ATP8A2: variants seen among roughly 807,000 people sequenced by gnomAD.
The protein encoded by ATP8A2 is phospholipid-transporting ATPase IB.
Under a neutral mutation model 165.6 loss-of-function variants are expected in ATP8A2, and 100 were observed. That is an observed-to-expected ratio of 0.60 (90% CI 0.51 to 0.71). The LOEUF is 0.71. ATP8A2 is among the 30% of genes least tolerant of loss of function. The pLI is 0.00. For missense variants in ATP8A2, 1,227 were observed against 1,479.5 expected, an observed-to-expected ratio of 0.83 and a Z score of 2.80; for synonymous variants, 543 against 548.8, an observed-to-expected ratio of 0.99 and a Z score of 0.15.
intron 33 of ATP8A2, among the ~76,000 whole-genome samples, chr13:25,878,811 C>T (rs1252330866): frequency 5.3e-5 from 8 of 152,126 alleles, no homozygotes; most frequent in Non-Finnish European, 1.0e-4. Flanking sequence ...ACCTTCCACT[C>T]ACTCTGTCTC....
At chr13:25,653,782 A>G (rs1029301618) in intron 24 of ATP8A2, among the ~76,000 whole-genome samples, 2 of 152,198 alleles carry the variant, frequency 1.3e-5, no homozygotes, top group Non-Finnish European at 2.9e-5. Context: ...GAGAAGATGT[A>G]GAGAAGCCAA....
At chr13:25,515,134 A>G (rs1191698307) in intron 2 of ATP8A2, among the ~76,000 whole-genome samples, 1 of 152,182 alleles carries the variant, frequency 6.6e-6, no homozygotes, top group Non-Finnish European at 1.5e-5. Context: ...ACAATCTTCA[A>G]ACTGGCACAT....
chr13:25,478,902 C>T (rs2036075081), intron 2 of ATP8A2, among the ~76,000 whole-genome samples: 1 of 151,654 alleles, frequency 6.6e-6, no homozygotes, highest in Non-Finnish European at 1.5e-5. Context: ...GGCTGGAGGG[C>T]AGTGGCGTGA....
intron 24 of ATP8A2, among the ~76,000 whole-genome samples, chr13:25,695,737 A>C (rs763295318): frequency 2.0e-5 from 3 of 152,200 alleles, no homozygotes; most frequent in African/African-American, 4.8e-5. Flanking sequence ...TTCAGGCTTC[A>C]CTTCTAATTC....
chr13:25,883,730 C>G (rs1024812040), intron 33 of ATP8A2, among the ~76,000 whole-genome samples: 7 of 152,318 alleles, frequency 4.6e-5, no homozygotes, highest in Admixed American at 1.3e-4. Flanking sequence ...AGAAAGACCT[C>G]CCCTATCAGC....
intron 2 of ATP8A2, among the ~76,000 whole-genome samples, chr13:25,483,120 T>C (rs182636599): frequency 3.8e-4 from 58 of 152,266 alleles, no homozygotes; most frequent in Admixed American, 2.6e-3. Flanking sequence ...AGAATAAGCA[T>C]ATGAGGCTGC....
At chr13:25,683,498 G>A (rs1446177886) in intron 24 of ATP8A2, among the ~76,000 whole-genome samples, 1 of 152,146 alleles carries the variant, frequency 6.6e-6, no homozygotes, top group Non-Finnish European at 1.5e-5. Flanking sequence ...TGTCATTAGA[G>A]TTCTGAAATG....
chr13:25,801,403 C>T (rs573435231), intron 27 of ATP8A2, among the ~76,000 whole-genome samples: 5 of 152,278 alleles, frequency 3.3e-5, no homozygotes, highest in East Asian at 1.9e-4. Context: ...GGTTCTGGCC[C>T]GCTGGCCAAA....
intron 27 of ATP8A2, among the ~76,000 whole-genome samples, chr13:25,784,031 T>C (rs1262925992): frequency 5.3e-5 from 8 of 152,294 alleles, no homozygotes; most frequent in Admixed American, 1.3e-4. Flanking sequence ...CCCTACAAGA[T>C]ACACAATCAC....
intron 25 of ATP8A2, among the ~76,000 whole-genome samples, chr13:25,740,967 A>G (rs1192778740): frequency 6.6e-6 from 1 of 152,234 alleles, no homozygotes; most frequent in Non-Finnish European, 1.5e-5. Flanking sequence ...GCGTCTTTAG[A>G]TAAGACTCTG....
intron 33 of ATP8A2, among the ~76,000 whole-genome samples, chr13:25,901,424 C>T (rs948090518): frequency 4.6e-5 from 7 of 150,542 alleles, no homozygotes; most frequent in African/African-American, 1.2e-4. Context: ...AAAAAAACCA[C>T]ATGTTACTTA....
chr13:25,380,088 C>A (rs1448905680), intron 1 of ATP8A2, among the ~76,000 whole-genome samples: 3 of 152,114 alleles, frequency 2.0e-5, no homozygotes, highest in African/African-American at 7.2e-5. Context: ...CAGTTAGGGG[C>A]TGTTGTAATA....
intron 33 of ATP8A2, among the ~76,000 whole-genome samples, chr13:25,928,204 T>C (rs1333788712): frequency 6.6e-6 from 1 of 152,186 alleles, no homozygotes; most frequent in Non-Finnish European, 1.5e-5. Context: ...CCAGGGGGCC[T>C]GTGTTAGGGA....
chr13:25,588,055 G>A (rs1027349752), intron 23 of ATP8A2, among the ~76,000 whole-genome samples: 2 of 152,088 alleles, frequency 1.3e-5, no homozygotes. Flanking sequence ...AAAACAATAT[G>A]TGTTTGTTTT....
intron 23 of ATP8A2, among the ~76,000 whole-genome samples, chr13:25,584,314 C>T (rs546434736): frequency 1.3e-5 from 2 of 152,186 alleles, no homozygotes; most frequent in African/African-American, 4.8e-5. Context: ...AGGTCATGCT[C>T]TAGATACAGA....
At chr13:25,603,111 G>T (rs1327295404) in intron 24 of ATP8A2, among the ~76,000 whole-genome samples, 1 of 152,064 alleles carries the variant, frequency 6.6e-6, no homozygotes, top group East Asian at 1.9e-4. Flanking sequence ...GTTCTTCTTT[G>T]TGTCTCTGTG....
intron 27 of ATP8A2, among the ~76,000 whole-genome samples, chr13:25,780,859 C>T (rs1001744010): frequency 6.6e-6 from 1 of 152,182 alleles, no homozygotes; most frequent in African/African-American, 2.4e-5. Flanking sequence ...CTCCGCTCAC[C>T]TCCTGCTATG....
At chr13:25,929,890 T>A (rs2139065124) in intron 33 of ATP8A2, among the ~76,000 whole-genome samples, 1 of 152,198 alleles carries the variant, frequency 6.6e-6, no homozygotes, top group Admixed American at 6.5e-5. Flanking sequence ...AATTCCCCTA[T>A]CCCCATGGGC....
intron 25 of ATP8A2, among the ~76,000 whole-genome samples, chr13:25,708,994 G>A (rs989926818): frequency 6.6e-6 from 1 of 152,150 alleles, no homozygotes; most frequent in African/African-American, 2.4e-5. Flanking sequence ...GAGAGGGTCT[G>A]TTGAATGATT....
Sources: gnomAD v4.1 joint callset for allele counts (sites outside exome capture counted in the v4.1 genomes callset) on GRCh38, gnomAD v4.1.1 for gene constraint, MANE v1.5 for transcripts, NCBI Gene and HGNC (gene_info 2026-07-23, HGNC 2026-07-21) for gene names.